The following FHOD3 variants were observed in gnomAD, a reference collection of about 807,000 sequenced individuals.
FHOD3 encodes FH1/FH2 domain-containing protein 3.
Under a neutral mutation model 173.0 loss-of-function variants are expected in FHOD3, and 90 were observed. The ratio of observed to expected loss-of-function variants is 0.52; its 90% CI spans 0.44 to 0.62. The LOEUF (loss-of-function observed/expected upper bound fraction) is 0.62. Among genes scored for constraint, FHOD3 ranks in the 20% least tolerant of loss-of-function variants. The pLI, the probability that FHOD3 is intolerant of heterozygous loss-of-function variation, is 0.00. For synonymous variants in FHOD3, 828 were observed against 823.0 expected (o/e 1.01, Z -0.10); for missense variants, 1,945 against 2,034.7 (o/e 0.96, Z 0.85).
At chr18:36,561,779 G>A (rs1482553080) in intron 5 of FHOD3, among the ~76,000 whole-genome samples, 2 of 152,086 alleles carry the variant, frequency 1.3e-5, no homozygotes, top group African/African-American at 4.8e-5. Flanking sequence ...TAACAGAGAT[G>A]ACTGAGTGTG....
chr18:36,562,900 A>G (rs943002793), intron 5 of FHOD3, among the ~76,000 whole-genome samples: 1 of 152,134 alleles, frequency 6.6e-6, no homozygotes, highest in Non-Finnish European at 1.5e-5. Flanking sequence ...GAGGAGGGGC[A>G]GTGGTTTAAG....
chr18:36,337,928 G>T (rs1414853545), intron 1 of FHOD3, among the ~76,000 whole-genome samples: 1 of 152,136 alleles, frequency 6.6e-6, no homozygotes, highest in Non-Finnish European at 1.5e-5. Context: ...GCTGACTTGG[G>T]TATCTGGGAC....
At chr18:36,477,042 C>A (rs2053610705) in intron 3 of FHOD3, among the ~76,000 whole-genome samples, 1 of 152,092 alleles carries the variant, frequency 6.6e-6, no homozygotes, top group African/African-American at 2.4e-5. Context: ...AGGAGGAAGA[C>A]CATGTGGGCA....
intron 3 of FHOD3, among the ~76,000 whole-genome samples, chr18:36,377,914 C>A (rs1298681214): frequency 6.6e-6 from 1 of 152,196 alleles, no homozygotes; most frequent in African/African-American, 2.4e-5. Flanking sequence ...CAAGAAGCTG[C>A]TTCTGCTCCT....
At chr18:36,522,973 C>A (rs1270437039) in intron 5 of FHOD3, among the ~76,000 whole-genome samples, 1 of 152,228 alleles carries the variant, frequency 6.6e-6, no homozygotes. Flanking sequence ...CCTGCCTCTT[C>A]TATCCCTAGC....
intron 17 of FHOD3, among the ~76,000 whole-genome samples, chr18:36,706,632 G>T (rs150957968): frequency 6.6e-6 from 1 of 152,300 alleles, no homozygotes; most frequent in South Asian, 2.1e-4. Flanking sequence ...GTGCACACCC[G>T]CAGGCTGAAG....
intron 14 of FHOD3, among the ~76,000 whole-genome samples, chr18:36,658,926 A>C (rs377152008): frequency 6.6e-6 from 1 of 152,114 alleles, no homozygotes; most frequent in East Asian, 1.9e-4. Context: ...ACAAAAGTCC[A>C]CTCGGGAGTG....
At chr18:36,357,740 G>C (rs1273877566) in intron 2 of FHOD3, among the ~76,000 whole-genome samples, 1 of 152,190 alleles carries the variant, frequency 6.6e-6, no homozygotes, top group Non-Finnish European at 1.5e-5. Context: ...CTAGATGATA[G>C]TCTAATTGGA....
At chr18:36,489,561 A>T (rs562981429) in intron 3 of FHOD3, among the ~76,000 whole-genome samples, 1 of 152,102 alleles carries the variant, frequency 6.6e-6, no homozygotes, top group Admixed American at 6.5e-5. Context: ...GGTCCCAGCT[A>T]CTTGGGACGC....
chr18:36,528,422 C>G (rs1176389845), intron 5 of FHOD3, among the ~76,000 whole-genome samples: 1 of 152,152 alleles, frequency 6.6e-6, no homozygotes, highest in Non-Finnish European at 1.5e-5. Flanking sequence ...ATCAGAGAGC[C>G]CTGTGTTTCT....
At chr18:36,772,432 A>G (rs184559199) in intron 28 of FHOD3, among the ~76,000 whole-genome samples, 9 of 152,376 alleles carry the variant, frequency 5.9e-5, no homozygotes, top group African/African-American at 2.2e-4. Context: ...AATGATGGCA[A>G]TGAGGCAAGT....
intron 1 of FHOD3, among the ~76,000 whole-genome samples, chr18:36,316,583 T>A (rs1482989265): frequency 6.6e-6 from 1 of 152,212 alleles, no homozygotes; most frequent in Admixed American, 6.5e-5. Flanking sequence ...GTTATTAATG[T>A]TTTAGTAGTT....
intron 14 of FHOD3, among the ~76,000 whole-genome samples, 174 bp downstream of exon 14, chr18:36,658,362 G>A (rs754487766): frequency 5.9e-5 from 9 of 152,148 alleles, no homozygotes; most frequent in Non-Finnish European, 1.0e-4. Flanking sequence ...TATTTACTAA[G>A]CAAATATTTT....
At position 36,297,925 on chromosome 18, in the gene FHOD3, G is replaced by A. The variant is rs1194369527; in HGVS notation, c.90G>A (p.Leu30=). The A allele has an allele frequency of 6.4e-7, 1 of 1,564,352 alleles. No homozygotes were observed. Among genetic ancestry groups the A allele is most frequent in the African/African-American group, 1.4e-5 (1 of 72,578 alleles). ...TNFPEPSRPP[L]FTFREDLALG... ...TCCCCGAGCCCAGCCGGCCGCCGCT[G>A]TTCACGTTCCGCGAGGACCTCGCGC... Residue 30 remains leucine, a synonymous_variant, in exon 1 of 29, where the codon CTG becomes CTA. Coordinates refer to ENST00000590592, the MANE Select transcript of FHOD3 (RefSeq NM_001281740.3).
chr18:36,406,588 C>T (rs773989738), intron 3 of FHOD3, among the ~76,000 whole-genome samples: 5 of 152,128 alleles, frequency 3.3e-5, no homozygotes, highest in Admixed American at 6.5e-5. Flanking sequence ...ATCTGCCCCC[C>T]GCCCTGAGCC....
Position 36,653,263 on chromosome 18 carries a change from T to C in FHOD3, c.1647-79T>C, listed in dbSNP as rs1056924606. On this transcript the variant is annotated intron_variant, in intron 12 of 28. Transcript: ENST00000590592. ...ACCAAGCCAGGTGGCATGAAGTCTTTTTGACGCTGAAGAATGTATCAAAGT... is the reference window on the plus strand; with the variant it reads ...ACCAAGCCAGGTGGCATGAAGTCTTCTTGACGCTGAAGAATGTATCAAAGT... 5.1e-6 allele frequency: 6 copies of C among 1,169,318 alleles called. No homozygotes were observed. In the African/African-American group the frequency reaches 9.3e-5, roughly 18 times the overall value. 72.4% of individuals were successfully genotyped at this position (1,169,318 alleles called of 1,614,324 possible). A position where few individuals can be genotyped will look rare whatever the true frequency, so the allele number is the denominator to read the frequency against.
In FHOD3 at chr18:36,718,437, C is replaced by T. The variant is rs572508966; in HGVS notation, c.3139C>T (p.Pro1047Ser). 7.5e-6 allele frequency: 12 copies of T among 1,609,176 alleles called. No homozygotes were observed. Among genetic ancestry groups the T allele is most frequent in the East Asian group, 2.2e-5 (1 of 44,766 alleles). Residue 1047 changes from proline to serine, a missense_variant, in exon 19 of 29, where the codon CCT becomes TCT. Physicochemically the swap from Pro to Ser is moderately conservative, Grantham distance 74 (BLOSUM62 -1). This residue lies in a region of FHOD3 where 1,099 missense variants were observed against 1,051.2 expected (regional missense o/e 1.05). Transcript: ENST00000590592. The part of the protein sequence containing the change: ...PPPLLDSIPP[P>S]PVPGNLLVPP... ...GCCCCTGTTGGACAGCATTCCTCCCCCTCCTGTCCCTGGTAATTTATTGGT... is the reference window on the plus strand; with the variant it reads ...GCCCCTGTTGGACAGCATTCCTCCCTCTCCTGTCCCTGGTAATTTATTGGT...
intron 14 of FHOD3, among the ~76,000 whole-genome samples, chr18:36,666,487 T>C (rs918957584): frequency 6.6e-6 from 1 of 152,230 alleles, no homozygotes; most frequent in Non-Finnish European, 1.5e-5. Context: ...TTAGACAGGG[T>C]GATCCTCAAT....
chr18:36,380,598 C>T (rs907843605), intron 3 of FHOD3, among the ~76,000 whole-genome samples: 1 of 135,704 alleles, frequency 7.4e-6, no homozygotes, highest in African/African-American at 3.0e-5. Context: ...CTTTCCTTTC[C>T]TTTCCTTTCC....
Sources: allele counts gnomAD v4.1 joint callset (sites outside exome capture counted in the v4.1 genomes callset), GRCh38; gene constraint gnomAD v4.1.1; regional missense constraint gnomAD v4.1.1; transcripts MANE v1.5; gene names NCBI Gene and HGNC (gene_info 2026-07-23, HGNC 2026-07-21).